SRSF7: variants seen among roughly 807,000 people sequenced by gnomAD.
SRSF7 encodes serine and arginine rich splicing factor 7.
In SRSF7, 15 loss-of-function variants were observed where a neutral mutation model predicts 42.2. That is an observed-to-expected ratio of 0.36 (90% CI 0.24 to 0.55). The LOEUF (loss-of-function observed/expected upper bound fraction) is 0.55. Among genes scored for constraint, SRSF7 ranks in the 20% least tolerant of loss-of-function variants. The pLI is 0.88. For missense variants in SRSF7, 181 were observed against 305.9 expected (o/e 0.59, Z 3.04); for synonymous variants, 138 against 107.9 (o/e 1.28, Z -1.73).
chr2:38,750,371 T>C (rs1668107638), intron 1 of SRSF7, among the ~76,000 whole-genome samples, 177 bp from the exon 2 acceptor site: 1 of 151,952 alleles, frequency 6.6e-6, no homozygotes, highest in Non-Finnish European at 1.5e-5. Context: ...CCTGAGAAAC[T>C]AGACTTTTGA....
In SRSF7 at chr2:38,751,328, C is replaced by T; in HGVS notation, c.-72G>A. The T allele has an allele frequency of 1.2e-6, 2 of 1,603,234 alleles. No homozygotes were observed. The highest frequency in any genetic ancestry group is 1.7e-6 in the Non-Finnish European group (2 of 1,172,540). ...CTCGAGTGACGCAAAAGCTGACACACACCTTCACCCGCCAAGAGTCCCGGC... is the reference window on the plus strand; with the variant it reads ...CTCGAGTGACGCAAAAGCTGACACATACCTTCACCCGCCAAGAGTCCCGGC... On this transcript the variant is annotated 5_prime_UTR_variant, in exon 1 of 8. In the 5' UTR this introduces an upstream ATG that the reference lacks. Coordinates refer to ENST00000313117, the MANE Select transcript of SRSF7 (RefSeq NM_001031684.3).
At chr2:38,747,144 A>AAAATAACCAGACCCCTGAACTGAG (rs1424679730) in intron 5 of SRSF7, 2 of 472,880 alleles carry the variant, frequency 4.2e-6, no homozygotes, top group African/African-American at 4.0e-5. Flanking sequence ...AGGCAGGATG[A>AAAATAACCAGACCCCTGAACTGAG]AAATAACCAG....
In SRSF7 at chr2:38,748,581, T is replaced by C; in HGVS notation, c.459A>G (p.Arg153=). ...ACTTCAGTTAAACAAGATCTCACCT[T>C]CGTCCCCTGCTCCTGCTGCGTGAGC... ...YSRSRSRSRG[R]RSRSASPRRS... Residue 153 remains arginine (R), a splice_region_variant and synonymous_variant, in exon 4 of 8, where the codon CGA becomes CGG. Transcript: ENST00000313117. 1 of 1,614,022 alleles carries C rather than the reference T, an allele frequency of 6.2e-7. No individual in the cohort carries two copies. The highest frequency in any genetic ancestry group is 1.1e-5 in the South Asian group (1 of 91,082).
intron 5 of SRSF7, among the ~76,000 whole-genome samples, chr2:38,747,316 AG>A (rs1200676921): frequency 1.3e-5 from 2 of 152,350 alleles, no homozygotes; most frequent in African/African-American, 4.8e-5. Flanking sequence ...TTATCTAAAG[AG>A]ATGGTTCATA....
chr2:38,749,961 T>C, intron 2 of SRSF7, 53 bp downstream of exon 2: 2 of 1,536,778 alleles, frequency 1.3e-6, no homozygotes, highest in Non-Finnish European at 8.8e-7. Flanking sequence ...CTAAGTTCAT[T>C]ATCTAGCCAC....
chr2:38,745,179 G>T lies in SRSF7; in HGVS notation c.671C>A (p.Pro224Gln). 3 of 1,614,080 alleles carry T rather than the reference G, an allele frequency of 1.9e-6. No individual in the cohort carries two copies. Among genetic ancestry groups the T allele is most frequent in the East Asian group, 4.5e-5 (2 of 44,860 alleles). ...TGCACTTCTGCGAGGACTTCCTGAT[G>T]GGGAACGACTAAAAAGAAAAACATT... is the stretch of plus-strand genomic sequence containing the variant. ...RSPSPKRSRS[P>Q]SGSPRRSASP... Residue 224 changes from proline to glutamine, a missense_variant, in exon 8 of 8, where the codon CCA (proline) becomes CAA (glutamine). Physicochemically the swap from Pro to Gln is moderately conservative, Grantham distance 76. Transcript: ENST00000313117.
Position 38,751,265 on chromosome 2 carries a change from A to C in SRSF7, c.-9T>G. The C allele has an allele frequency of 6.2e-7, 1 of 1,614,014 alleles. No individual in the cohort carries two copies. The highest frequency in any genetic ancestry group is 8.5e-7 in the Non-Finnish European group (1 of 1,179,974). ...CGCCCGTAACGCGACATGATGACAGACCCGCGTGCTCGGCTCTTTAGCAAG... is the reference window on the plus strand; with the variant it reads ...CGCCCGTAACGCGACATGATGACAGCCCCGCGTGCTCGGCTCTTTAGCAAG... On this transcript the variant is annotated 5_prime_UTR_variant, in exon 1 of 8. Coordinates refer to ENST00000313117, the MANE Select transcript of SRSF7 (RefSeq NM_001031684.3).
Position 38,749,609 on chromosome 2 carries a change from T to A in SRSF7, c.306A>T (p.Pro102=). 6.2e-7 allele frequency: 1 copy of A among 1,608,776 alleles called. No homozygotes were observed. The highest frequency in any genetic ancestry group is 8.5e-7 in the Non-Finnish European group (1 of 1,178,690). The change falls in exon 3 of 8, where the codon CCA becomes CCT. Residue 102 remains proline (P), a synonymous_variant. Transcript: ENST00000313117. ...DRPPARRPFD[P]NDRCYECGEK... ...CGCCACACTCATAGCATCTATCATT[T>A]GGATCAAAGGGACGTCGGGCAGGTG...
At chr2:38,748,470 G>T (rs747941529) in intron 4 of SRSF7, 109 bp downstream of exon 4, 2 of 1,120,468 alleles carry the variant, frequency 1.8e-6, no homozygotes, top group Non-Finnish European at 2.7e-6. Flanking sequence ...TCCAGCCCGG[G>T]TGACAGAGCA....
In SRSF7 at chr2:38,751,295, G is replaced by C; in HGVS notation, c.-39C>G. On this transcript the variant is annotated 5_prime_UTR_variant, in exon 1 of 8. Coordinates refer to ENST00000313117, the MANE Select transcript of SRSF7 (RefSeq NM_001031684.3). ...CGTGCTCGGCTCTTTAGCAAGCAGC[G>C]CCCAGGGCTCGAGTGACGCAAAAGC... 1 of 1,613,882 alleles carries C rather than the reference G, an allele frequency of 6.2e-7. No homozygotes were observed. The highest frequency in any genetic ancestry group is 8.5e-7 in the Non-Finnish European group (1 of 1,179,918).
intron 7 of SRSF7, 78 bp downstream of exon 7, chr2:38,746,066 C>T (rs1174835005): frequency 1.4e-6 from 2 of 1,463,920 alleles, no homozygotes; most frequent in Admixed American, 1.7e-5. Flanking sequence ...AGCTCAAAGA[C>T]TGCAAAGCAG....
At position 38,745,223 on chromosome 2, in the gene SRSF7, T is replaced by C. The variant is rs762547863; in HGVS notation, c.663-36A>G. 6 of 1,610,606 alleles carry C rather than the reference T, an allele frequency of 3.7e-6. No homozygotes were observed. The Admixed American group carries it at 5.0e-5, about 13-fold the overall frequency. On this transcript the variant is annotated intron_variant, in intron 7 of 7. Coordinates refer to ENST00000313117, the MANE Select transcript of SRSF7 (RefSeq NM_001031684.3). ...AAACATTAGGTTTGGATCCAATTAG[T>C]GTCAATTGAAACTCTCATGTACATG...
Position 38,744,513 on chromosome 2 carries a change from ATACATT to A in SRSF7, c.*614_*619del. On this transcript the variant is annotated 3_prime_UTR_variant, in exon 8 of 8. Coordinates refer to ENST00000313117, the MANE Select transcript of SRSF7 (RefSeq NM_001031684.3). Reference sequence around the variant, plus strand: ...TCATCCAGAAATGTTTCTATTTCTCATACATTTAATCAGTTTCGTTTAGTTCCTGTC... The same window carrying A: ...TCATCCAGAAATGTTTCTATTTCTCATAATCAGTTTCGTTTAGTTCCTGTC... The A allele has an allele frequency of 6.6e-6, 1 of 152,106 alleles. No homozygotes were observed. The highest frequency in any genetic ancestry group is 2.4e-5 in the African/African-American group (1 of 41,326). 9.4% of individuals were successfully genotyped at this position (152,106 alleles called of 1,614,324 possible).
At chr2:38,745,762 T>A (rs764613416) in intron 7 of SRSF7, among the ~76,000 whole-genome samples, 2 of 152,164 alleles carry the variant, frequency 1.3e-5, no homozygotes, top group East Asian at 3.8e-4. Context: ...AAGCACTAGA[T>A]AAATATGACA....
Position 38,745,037 on chromosome 2 carries a change from G to C in SRSF7, c.*96C>G. The C allele has an allele frequency of 1.6e-6, 2 of 1,240,128 alleles. No individual in the cohort carries two copies. Among genetic ancestry groups the C allele is most frequent in the Admixed American group, 4.1e-5 (2 of 49,262 alleles). 76.8% of individuals were successfully genotyped at this position (1,240,128 alleles called of 1,614,324 possible). On this transcript the variant is annotated 3_prime_UTR_variant, in exon 8 of 8. Coordinates refer to ENST00000313117, the MANE Select transcript of SRSF7 (RefSeq NM_001031684.3). ...CCAGATCCATTTTGATTAGATGGTT[G>C]AATTATCTTTCCTAGGTTACACTTT...
chr2:38,745,811 A>G (rs1667299136), intron 7 of SRSF7, among the ~76,000 whole-genome samples: 1 of 152,238 alleles, frequency 6.6e-6, no homozygotes, highest in Admixed American at 6.5e-5. Flanking sequence ...AGCACTAGGC[A>G]GGTAACTATT....
intron 1 of SRSF7, 87 bp downstream of exon 1, chr2:38,751,142 C>T: frequency 1.9e-6 from 3 of 1,563,020 alleles, no homozygotes; most frequent in Non-Finnish European, 2.6e-6. Flanking sequence ...GCGGAATAAC[C>T]GTCTCCCAAC....
intron 7 of SRSF7, 113 bp from the exon 8 acceptor site, chr2:38,745,300 C>T: frequency 9.6e-7 from 1 of 1,041,690 alleles, no homozygotes; most frequent in Non-Finnish European, 1.5e-6. Flanking sequence ...TTTCCTATAG[C>T]AAAGACCTAA....
Position 38,749,688 on chromosome 2 carries a change from C to G in SRSF7, c.227G>C (p.Arg76Pro). The stretch of plus-strand genomic sequence containing the variant: ...GCCTGTCGATAGTTCAACCCTCACT[C>G]GGGAGCCACAAATCACCCTAATAAA... ...GLDGKVICGS[R>P]VRVELSTGMP... The change falls in exon 3 of 8, where the codon CGA becomes CCA. Residue 76 changes from arginine (R) to proline (P), a missense_variant. Arg to Pro is a moderately radical substitution (Grantham distance 103). Coordinates refer to ENST00000313117, the MANE Select transcript of SRSF7 (RefSeq NM_001031684.3). The G allele has an allele frequency of 6.4e-7, 1 of 1,557,906 alleles. No individual in the cohort carries two copies. The highest frequency in any genetic ancestry group is 8.6e-7 in the Non-Finnish European group (1 of 1,159,510).
Sources: gnomAD v4.1 joint callset for allele counts (sites outside exome capture counted in the v4.1 genomes callset) on GRCh38, gnomAD v4.1.1 for gene constraint, MANE v1.5 for transcripts, NCBI Gene and HGNC (gene_info 2026-07-23, HGNC 2026-07-21) for gene names.